The following ELP3 variants were observed in gnomAD, a reference collection of about 807,000 sequenced individuals.
ELP3 encodes elongator acetyltransferase complex subunit 3, also known as elongator complex protein 3.
Under a neutral mutation model 74.9 loss-of-function variants are expected in ELP3, and 56 were observed. The ratio of observed to expected loss-of-function variants is 0.75; its 90% confidence interval spans 0.60 to 0.93. The LOEUF is 0.93. Ranked by LOEUF, ELP3 falls within the 40% of genes least tolerant of loss-of-function variation. The pLI is 0.00. For synonymous variants in ELP3, 222 were observed against 239.8 expected, an observed-to-expected ratio of 0.93 and a Z score of 0.68; for missense variants, 573 against 686.5, an observed-to-expected ratio of 0.83 and a Z score of 1.85.
intron 14 of ELP3, among the ~76,000 whole-genome samples, chr8:28,170,566 C>T (rs1288704077): frequency 6.6e-6 from 1 of 152,144 alleles, no homozygotes; most frequent in East Asian, 1.9e-4. Flanking sequence ...GGCCATTTAT[C>T]TTTTTCTTCT....
At chr8:28,165,772 T>A (rs1462901066) in intron 14 of ELP3, among the ~76,000 whole-genome samples, 1 of 152,264 alleles carries the variant, frequency 6.6e-6, no homozygotes, top group African/African-American at 2.4e-5. Context: ...TAGATCTGAT[T>A]TGAGTCACTA....
rs11784351 is a variant in ELP3, at chr8:28,116,531, G to T, written c.617+3358G>T. On this transcript the variant is annotated intron_variant, in intron 7 of 14. Coordinates refer to ENST00000256398, the MANE Select transcript of ELP3 (RefSeq NM_018091.6). ...AAGGCGGGCAGATAGCTTGAGGCCA[G>T]GAGTTTGAGACCAGCCTGACCAACA... Among the ~76,000 whole-genome samples the T allele has an allele frequency of 2.6e-3, 402 of 152,334 alleles. 3 individuals are homozygous for T. Among genetic ancestry groups the T allele is most frequent in the Non-Finnish European group, 2.7e-3 (187 of 68,028 alleles).
chr8:28,116,919 A>G (rs1033645266), intron 7 of ELP3, among the ~76,000 whole-genome samples: 1 of 152,196 alleles, frequency 6.6e-6, no homozygotes, highest in Non-Finnish European at 1.5e-5. Context: ...TTATTAGTTC[A>G]AAGCCAGGCG....
In ELP3 at chr8:28,162,074, A is replaced by G; in HGVS notation, c.1563A>G (p.Ile521Met). ...ATGGGTCTGGGAAAATCGCTGTGAT[A>G]TCAGGTAACTGGGGGAGGGCGAAGT... ...EEHGSGKIAV[I>M]SGVGTRNYYR... The change falls in exon 14 of 15, where the codon ATA (isoleucine) becomes ATG (methionine). Residue 521 changes from isoleucine to methionine, a missense_variant. Ile to Met is a conservative substitution (Grantham distance 10). Transcript: ENST00000256398. 1 of 1,614,152 alleles carries G rather than the reference A, an allele frequency of 6.2e-7. No homozygotes were observed. Among genetic ancestry groups the G allele is most frequent in the Non-Finnish European group, 8.5e-7 (1 of 1,179,982 alleles).
chr8:28,168,645 G>A (rs1436185047), intron 14 of ELP3, among the ~76,000 whole-genome samples: 1 of 152,166 alleles, frequency 6.6e-6, no homozygotes, highest in East Asian at 1.9e-4. Context: ...GAGGAAGCAA[G>A]CCCTCTCCAA....
intron 14 of ELP3, among the ~76,000 whole-genome samples, chr8:28,165,635 C>CAA (rs1330331545): frequency 1.3e-5 from 2 of 152,100 alleles, no homozygotes; most frequent in African/African-American, 4.8e-5. Flanking sequence ...AAGAGTAATG[C>CAA]ATTTAGGTAG....
At chr8:28,110,280 C>T in intron 5 of ELP3, 90 bp from the exon 6 acceptor site, 2 of 1,127,300 alleles carry the variant, frequency 1.8e-6, no homozygotes, top group South Asian at 1.3e-5. Flanking sequence ...GTGTTCGGAA[C>T]CATGGAGAGT....
chr8:28,115,659 A>AG (rs1317860193), intron 7 of ELP3, among the ~76,000 whole-genome samples: 1 of 152,176 alleles, frequency 6.6e-6, no homozygotes, highest in Non-Finnish European at 1.5e-5. Flanking sequence ...CAGAGAGATA[A>AG]GCAATTTGCC....
At chr8:28,189,216 CTT>C (rs1428396992) in intron 14 of ELP3, among the ~76,000 whole-genome samples, 1 of 152,228 alleles carries the variant, frequency 6.6e-6, no homozygotes, top group Admixed American at 6.5e-5. Context: ...ACTCTTCTCT[CTT>C]TAAAACTTCT....
chr8:28,094,115 A>G (rs1249493192), intron 1 of ELP3, among the ~76,000 whole-genome samples: 1 of 152,182 alleles, frequency 6.6e-6, no homozygotes, highest in Non-Finnish European at 1.5e-5. Context: ...ACCTTAGATT[A>G]AGTCTTGTCA....
chr8:28,137,955 A>G, intron 10 of ELP3, 64 bp downstream of exon 10: 1 of 1,384,692 alleles, frequency 7.2e-7, no homozygotes. Context: ...TTCTCATGGA[A>G]ATAGTCTGAT....
intron 9 of ELP3, among the ~76,000 whole-genome samples, chr8:28,135,203 C>T (rs1173401593): frequency 6.6e-6 from 1 of 152,236 alleles, no homozygotes; most frequent in Non-Finnish European, 1.5e-5. Context: ...GCTGGGATTA[C>T]AGGCGTGAGC....
intron 13 of ELP3, 38 bp downstream of exon 13, chr8:28,160,494 C>T (rs780128298): frequency 6.4e-7 from 1 of 1,566,176 alleles, no homozygotes; most frequent in East Asian, 2.3e-5. Context: ...TTCTAAGAAA[C>T]TGCCTAAGTA....
At chr8:28,173,444 A>G (rs1459668881) in intron 14 of ELP3, among the ~76,000 whole-genome samples, 1 of 151,862 alleles carries the variant, frequency 6.6e-6, no homozygotes, top group Non-Finnish European at 1.5e-5. Flanking sequence ...GTAAGTAGTT[A>G]TGCCCCCTCT....
chr8:28,113,089 CAGA>C lies in ELP3; in HGVS notation c.538_540del (p.Glu180del). 1.2e-6 allele frequency: 2 copies of C among 1,613,778 alleles called. No homozygotes were observed. Among genetic ancestry groups the C allele is most frequent in the Non-Finnish European group, 1.7e-6 (2 of 1,179,836 alleles). On this transcript the variant is annotated inframe_deletion, in exon 7 of 15. Coordinates refer to ENST00000256398, the MANE Select transcript of ELP3 (RefSeq NM_018091.6). ...ATGGGTGGAACGTTTATGGCCCTTC[CAGA>C]AGAATACAGAGATTATTTTATTCGA...
At chr8:28,135,648 G>A (rs1812958176) in intron 9 of ELP3, among the ~76,000 whole-genome samples, 1 of 152,162 alleles carries the variant, frequency 6.6e-6, no homozygotes, top group African/African-American at 2.4e-5. Context: ...GAAAGGCTAA[G>A]GGTTAACGGA....
chr8:28,163,713 A>G (rs912188172), intron 14 of ELP3, among the ~76,000 whole-genome samples: 1 of 152,240 alleles, frequency 6.6e-6, no homozygotes, highest in Non-Finnish European at 1.5e-5. Flanking sequence ...AGACTGACTT[A>G]GAAGCCCTCT....
intron 10 of ELP3, among the ~76,000 whole-genome samples, chr8:28,141,061 G>C (rs1221398261): frequency 6.6e-6 from 1 of 152,210 alleles, no homozygotes; most frequent in African/African-American, 2.4e-5. Context: ...ACTCGGTGTA[G>C]AATGTTAACT....
intron 3 of ELP3, among the ~76,000 whole-genome samples, chr8:28,104,713 G>C (rs1022219840): frequency 6.6e-6 from 1 of 152,124 alleles, no homozygotes; most frequent in Non-Finnish European, 1.5e-5. Flanking sequence ...CGTTCTTCTC[G>C]TCATCTCCCA....
Sources: allele counts gnomAD v4.1 joint callset (sites outside exome capture counted in the v4.1 genomes callset), GRCh38; gene constraint gnomAD v4.1.1; transcripts MANE v1.5; gene names NCBI Gene and HGNC (gene_info 2026-07-23, HGNC 2026-07-21).